The following AGPAT4 variants were observed in gnomAD, a reference collection of about 807,000 sequenced individuals.
AGPAT4 encodes 1-acylglycerol-3-phosphate O-acyltransferase 4.
Under a neutral mutation model 48.0 loss-of-function variants are expected in AGPAT4, and 15 were observed. The observed-to-expected ratio is 0.31, with a 90% CI of 0.21 to 0.48. AGPAT4 has a LOEUF of 0.48. Among genes scored for constraint, AGPAT4 ranks in the 20% least tolerant of loss-of-function variants. The probability of loss-of-function intolerance (pLI) is 0.99; values close to 1 mark genes in which losing one functional copy is unlikely to be tolerated. For synonymous variants in AGPAT4, 178 were observed against 198.7 expected, an observed-to-expected ratio of 0.90 and a Z score of 0.88; for missense variants, 314 against 482.5, an observed-to-expected ratio of 0.65 and a Z score of 3.27.
rs113052621 is a variant in AGPAT4, at chr6:161,168,837, C to T, written c.179-2420G>A. On this transcript the variant is annotated intron_variant, in intron 2 of 8. Coordinates refer to ENST00000320285, the MANE Select transcript of AGPAT4 (RefSeq NM_020133.3). ...GATTTGGGAGTCAGACACATCCAGG[C>T]TCCGATCCCGGTGGAGCCACTTACT... 2.3e-3 allele frequency among the ~76,000 whole-genome samples: 356 copies of T among 152,274 alleles called. 1 individual carries two copies. Among genetic ancestry groups the T allele is most frequent in the African/African-American group, 8.2e-3 (342 of 41,550 alleles).
chr6:161,191,190 C>A (rs1780914890), intron 2 of AGPAT4, among the ~76,000 whole-genome samples: 1 of 152,196 alleles, frequency 6.6e-6, no homozygotes, highest in Admixed American at 6.5e-5. Context: ...ATACACTTGA[C>A]AGACGAGAAC....
rs1781092233 is a variant in AGPAT4 at position 161,197,157 on chromosome 6, G to A, written c.179-30740C>T. Among the ~76,000 whole-genome samples, 2 of 152,092 alleles carry A rather than the reference G, an allele frequency of 1.3e-5. No homozygotes were observed. Among genetic ancestry groups the A allele is most frequent in the African/African-American group, 4.8e-5 (2 of 41,410 alleles). ...TACTAATGAGTATTTTAGGAGATGG[G>A]CCATTTGGAAAAAAATGAGATAAAC... On this transcript the variant is annotated intron_variant, in intron 2 of 8. Coordinates refer to ENST00000320285, the MANE Select transcript of AGPAT4 (RefSeq NM_020133.3). This position sits in a 1 kb window ranked among gnomAD's most constrained non-coding sequence, Gnocchi z 5.7.
At chr6:161,250,105 A>C (rs1390030732) in intron 1 of AGPAT4, among the ~76,000 whole-genome samples, 1 of 148,346 alleles carries the variant, frequency 6.7e-6, no homozygotes, top group Non-Finnish European at 1.5e-5. Context: ...AAAACCAAAC[A>C]CCACGTGTTT....
chr6:161,206,908 T>G lies in AGPAT4; in HGVS notation c.178+25128A>C, dbSNP rs985399808. ...TCAATGGATGAGCTCAGCAGAAGAG[T>G]GAAGGAGGCAGAGGAAAGAACCAGT... On this transcript the variant is annotated intron_variant, in intron 2 of 8. Transcript: ENST00000320285. The surrounding 1 kb of genome is among the most constrained non-coding windows in gnomAD (Gnocchi z 4.8). Among the ~76,000 whole-genome samples the G allele has an allele frequency of 7.3e-5, 11 of 151,708 alleles. No individual in the cohort carries two copies. The highest frequency in any genetic ancestry group is 1.5e-4 in the Non-Finnish European group (10 of 67,876).
At position 161,180,989 on chromosome 6, in the gene AGPAT4, T is replaced by C. The variant is rs1394438519; in HGVS notation, c.179-14572A>G. On this transcript the variant is annotated intron_variant, in intron 2 of 8. Coordinates refer to ENST00000320285, the MANE Select transcript of AGPAT4 (RefSeq NM_020133.3). This position sits in a 1 kb window ranked among gnomAD's most constrained non-coding sequence, Gnocchi z 6.4. ...AGGAAGAAAGGCCTCTGCTGTCCTA[T>C]CTGTAAAGATGGAGGAGGGAAATGA... 6.6e-6 allele frequency among the ~76,000 whole-genome samples: 1 copy of C among 152,176 alleles called. No homozygotes were observed. Among genetic ancestry groups the C allele is most frequent in the Non-Finnish European group, 1.5e-5 (1 of 68,024 alleles).
rs372755167 is a variant in AGPAT4 at position 161,178,444 on chromosome 6, T to C, written c.179-12027A>G. Among the ~76,000 whole-genome samples, 1 of 152,216 alleles carries C rather than the reference T, an allele frequency of 6.6e-6. No homozygotes were observed. The highest frequency in any genetic ancestry group is 6.5e-5 in the Admixed American group (1 of 15,290). ...GACCCTCTGAGCCAGACACGGGATA[T>C]AATCTCCTGGTGTGCCATTTGCTAA... On this transcript the variant is annotated intron_variant, in intron 2 of 8. Coordinates refer to ENST00000320285, the MANE Select transcript of AGPAT4 (RefSeq NM_020133.3). The surrounding 1 kb of genome is among the most constrained non-coding windows in gnomAD (Gnocchi z 5.1).
rs1167140267 is a variant in AGPAT4 at position 161,232,636 on chromosome 6, G to A, written c.-89-334C>T. On this transcript the variant is annotated intron_variant, in intron 1 of 8. Transcript: ENST00000320285. The surrounding 1 kb of genome is among the most constrained non-coding windows in gnomAD (Gnocchi z 6.8). ...CAGCTGAGCCAGCCACGGAGCCCTG[G>A]GTCCCACTTGAGTGACGGCTGCCCA... Among the ~76,000 whole-genome samples, 1 of 152,194 alleles carries A rather than the reference G, an allele frequency of 6.6e-6. No individual in the cohort carries two copies. Among genetic ancestry groups the A allele is most frequent in the Non-Finnish European group, 1.5e-5 (1 of 68,014 alleles).
intron 1 of AGPAT4, among the ~76,000 whole-genome samples, chr6:161,257,941 C>G (rs758538531): frequency 9.2e-5 from 14 of 152,180 alleles, no homozygotes; most frequent in Non-Finnish European, 2.1e-4. Context: ...ACTTTCTCAA[C>G]TGACTCACCC....
chr6:161,180,195 G>A lies in AGPAT4; in HGVS notation c.179-13778C>T, dbSNP rs767967732. ...TCCAGGCAAGCTCTTCCCTGACGCA[G>A]GTAGAGAGGGGTCTTAGGCTCCCCT... On this transcript the variant is annotated intron_variant, in intron 2 of 8. Transcript: ENST00000320285. This position sits in a 1 kb window ranked among gnomAD's most constrained non-coding sequence, Gnocchi z 6.4. Among the ~76,000 whole-genome samples, 8 of 152,190 alleles carry A rather than the reference G, an allele frequency of 5.3e-5. No individual in the cohort carries two copies. Among genetic ancestry groups the A allele is most frequent in the Non-Finnish European group, 1.0e-4 (7 of 68,034 alleles).
In AGPAT4 at chr6:161,223,855, A is replaced by C. The variant is rs536242711; in HGVS notation, c.178+8181T>G. ...ATCACTTCCTGTGTGACCCTGGGCA[A>C]GTCACTTAAACTCTCTGTGCCTAAC... On this transcript the variant is annotated intron_variant, in intron 2 of 8. Coordinates refer to ENST00000320285, the MANE Select transcript of AGPAT4 (RefSeq NM_020133.3). This position sits in a 1 kb window ranked among gnomAD's most constrained non-coding sequence, Gnocchi z 6.3. 7.2e-5 allele frequency among the ~76,000 whole-genome samples: 11 copies of C among 152,308 alleles called. No homozygotes were observed. The South Asian group carries it at 2.1e-3, about 29-fold the overall frequency.
rs1463590923 is a variant in AGPAT4 at position 161,251,264 on chromosome 6, C to T, written c.-89-18962G>A. On this transcript the variant is annotated intron_variant, in intron 1 of 8. Coordinates refer to ENST00000320285, the MANE Select transcript of AGPAT4 (RefSeq NM_020133.3). The surrounding 1 kb of genome is among the most constrained non-coding windows in gnomAD (Gnocchi z 4.6). ...TTTAAATGGATTTCCAAATAGCTAA[C>T]CAGTTGTATCCAAGGCATTTGTTGA... is the stretch of plus-strand genomic sequence containing the variant. Among the ~76,000 whole-genome samples, 2 of 152,176 alleles carry T rather than the reference C, an allele frequency of 1.3e-5. No individual in the cohort carries two copies. Among genetic ancestry groups the T allele is most frequent in the Non-Finnish European group, 2.9e-5 (2 of 68,024 alleles).
At position 161,261,805 on chromosome 6, in the gene AGPAT4, A is replaced by G. The variant is rs1377647713; in HGVS notation, c.-90+12133T>C. 6.6e-6 allele frequency among the ~76,000 whole-genome samples: 1 copy of G among 151,912 alleles called. No homozygotes were observed. Among genetic ancestry groups the G allele is most frequent in the Non-Finnish European group, 1.5e-5 (1 of 68,002 alleles). ...GAGTGGACCTTCGGCTTCTGACTGC[A>G]TTTTCCTAGCACAGAGCTGTGAATG... On this transcript the variant is annotated intron_variant, in intron 1 of 8. Transcript: ENST00000320285. The surrounding 1 kb of genome is among the most constrained non-coding windows in gnomAD (Gnocchi z 5.3).
At position 161,206,751 on chromosome 6, in the gene AGPAT4, T is replaced by A. The variant is rs991085709; in HGVS notation, c.178+25285A>T. ...AAGATATTTAAGAAGAATTTTTAAATGGCCATCATAAAACTCTTTCAATAA... is the reference window on the plus strand; with the variant it reads ...AAGATATTTAAGAAGAATTTTTAAAAGGCCATCATAAAACTCTTTCAATAA... On this transcript the variant is annotated intron_variant, in intron 2 of 8. Transcript: ENST00000320285. This position sits in a 1 kb window ranked among gnomAD's most constrained non-coding sequence, Gnocchi z 4.8. 6.6e-6 allele frequency among the ~76,000 whole-genome samples: 1 copy of A among 152,144 alleles called. No homozygotes were observed. The highest frequency in any genetic ancestry group is 1.5e-5 in the Non-Finnish European group (1 of 68,032).
Position 161,143,225 on chromosome 6 carries a change from G to A in AGPAT4, c.843+3299C>T, listed in dbSNP as rs1352197431. On this transcript the variant is annotated intron_variant, in intron 7 of 8. Coordinates refer to ENST00000320285, the MANE Select transcript of AGPAT4 (RefSeq NM_020133.3). This position sits in a 1 kb window ranked among gnomAD's most constrained non-coding sequence, Gnocchi z 4.7. ...GTAGCTGGGACTACAGGTGTGTACC[G>A]CTAGGTGCAGCTAGTTTGTAAAATT... Among the ~76,000 whole-genome samples, 1 of 152,112 alleles carries A rather than the reference G, an allele frequency of 6.6e-6. No individual in the cohort carries two copies. Among genetic ancestry groups the A allele is most frequent in the African/African-American group, 2.4e-5 (1 of 41,400 alleles).
rs1781143238 is a variant in AGPAT4, at chr6:161,198,971, T to A, written c.179-32554A>T. 6.6e-6 allele frequency among the ~76,000 whole-genome samples: 1 copy of A among 152,210 alleles called. No homozygotes were observed. Among genetic ancestry groups the A allele is most frequent in the Non-Finnish European group, 1.5e-5 (1 of 68,034 alleles). On this transcript the variant is annotated intron_variant, in intron 2 of 8. Transcript: ENST00000320285. The surrounding 1 kb of genome is among the most constrained non-coding windows in gnomAD (Gnocchi z 4.3). ...CCTTTTTTGAAGCCCTAAGATTTGC[T>A]TGTTGAAATTCATGATGCAATAAGC...
rs535938283 is a variant in AGPAT4, at chr6:161,217,477, T to C, written c.178+14559A>G. 3.3e-5 allele frequency among the ~76,000 whole-genome samples: 5 copies of C among 152,328 alleles called. No individual in the cohort carries two copies. In the East Asian group the frequency reaches 9.7e-4, roughly 29 times the overall value. On this transcript the variant is annotated intron_variant, in intron 2 of 8. Transcript: ENST00000320285. This position sits in a 1 kb window ranked among gnomAD's most constrained non-coding sequence, Gnocchi z 4.9. ...AGGCGATATCCAAGCCCAAAAGACA[T>C]GCTTCTCCCTGTGTGTCCCTGGGGG...
Position 161,270,239 on chromosome 6 carries a change from C to T in AGPAT4, c.-90+3699G>A, listed in dbSNP as rs895843383. The stretch of plus-strand genomic sequence containing the variant: ...ACAGCTGTTGAAGAAAGAGTTCATG[C>T]TTTAAGCTTCCTCTTTCCTACAGCC... On this transcript the variant is annotated intron_variant, in intron 1 of 8. Coordinates refer to ENST00000320285, the MANE Select transcript of AGPAT4 (RefSeq NM_020133.3). This position sits in a 1 kb window ranked among gnomAD's most constrained non-coding sequence, Gnocchi z 5.3. Among the ~76,000 whole-genome samples, 1 of 152,174 alleles carries T rather than the reference C, an allele frequency of 6.6e-6. No homozygotes were observed. Among genetic ancestry groups the T allele is most frequent in the Non-Finnish European group, 1.5e-5 (1 of 68,036 alleles).
Position 161,164,067 on chromosome 6 carries a change from G to A in AGPAT4, c.348+2181C>T, listed in dbSNP as rs898795503. 3.3e-5 allele frequency among the ~76,000 whole-genome samples: 5 copies of A among 152,200 alleles called. No homozygotes were observed. The highest frequency in any genetic ancestry group is 7.2e-5 in the African/African-American group (3 of 41,442). On this transcript the variant is annotated intron_variant, in intron 3 of 8. Transcript: ENST00000320285. The surrounding 1 kb of genome is among the most constrained non-coding windows in gnomAD (Gnocchi z 7.4). ...TCCCTATGCTGCAGGTGGGATGGGC[G>A]TGCTGTTGACTTGCTTTCCCGCCAT...
Position 161,235,710 on chromosome 6 carries a change from G to A in AGPAT4, c.-89-3408C>T, listed in dbSNP as rs1782254756. Among the ~76,000 whole-genome samples, 1 of 152,126 alleles carries A rather than the reference G, an allele frequency of 6.6e-6. No homozygotes were observed. Among genetic ancestry groups the A allele is most frequent in the Admixed American group, 6.6e-5 (1 of 15,262 alleles). On this transcript the variant is annotated intron_variant, in intron 1 of 8. Coordinates refer to ENST00000320285, the MANE Select transcript of AGPAT4 (RefSeq NM_020133.3). This position sits in a 1 kb window ranked among gnomAD's most constrained non-coding sequence, Gnocchi z 6.2. Reference sequence around the variant, plus strand: ...GAGCGGGCATCTTACAAGGCAGGAGGAAGAGCGAGAGAGAGAGAAGGGGGA... The same window carrying A: ...GAGCGGGCATCTTACAAGGCAGGAGAAAGAGCGAGAGAGAGAGAAGGGGGA...
Sources: allele counts gnomAD v4.1 joint callset (sites outside exome capture counted in the v4.1 genomes callset), GRCh38; gene constraint gnomAD v4.1.1; non-coding constraint Gnocchi (gnomAD v3.1); transcripts MANE v1.5; gene names NCBI Gene and HGNC (gene_info 2026-07-23, HGNC 2026-07-21).